The following NPEPPS variants were observed in gnomAD, a reference collection of about 807,000 sequenced individuals.
The protein encoded by NPEPPS is aminopeptidase puromycin sensitive, also known as puromycin-sensitive aminopeptidase.
A neutral mutation model predicts 115.5 loss-of-function variants in NPEPPS; 14 were observed. That is an observed-to-expected ratio of 0.12 (90% confidence interval 0.08 to 0.19). The LOEUF is 0.19. Among genes scored for constraint, NPEPPS ranks in the 10% least tolerant of loss-of-function variants. NPEPPS has a pLI of 1.00. For missense variants in NPEPPS, 523 were observed against 1,110.8 expected (o/e 0.47, Z 7.52); for synonymous variants, 285 against 390.6 (o/e 0.73, Z 3.19).
At chr17:47,531,066 G>A (rs1907705648), upstream of NPEPPS, 13 of 506,062 alleles carry the variant, frequency 2.6e-5, no homozygotes, top group South Asian at 3.7e-4. Flanking sequence ...CTCCACGGGG[G>A]CGCGCCCGGC....
Position 47,619,037 on chromosome 17 carries a change from C to T in NPEPPS, c.2432C>T (p.Ser811Leu), listed in dbSNP as rs748154171. Reference sequence around the variant, plus strand: ...GAGGTACGTCCACAGGACACTGTATCGGTAATTGGTGGAGTAGCTGGAGGC... The same window carrying T: ...GAGGTACGTCCACAGGACACTGTATTGGTAATTGGTGGAGTAGCTGGAGGC... The part of the protein sequence containing the change: ...SEEVRPQDTV[S>L]VIGGVAGGSK... Residue 811 changes from serine to leucine, a missense_variant, in exon 21 of 23, where the codon TCG (serine) becomes TTG (leucine). Ser to Leu is a moderately radical substitution (Grantham distance 145). Transcript: ENST00000322157. 23 of 1,613,736 alleles carry T rather than the reference C, an allele frequency of 1.4e-5. No homozygotes were observed. Among genetic ancestry groups the T allele is most frequent in the South Asian group, 5.5e-5 (5 of 91,072 alleles).
chr17:47,618,268 A>T, intron 19 of NPEPPS, 82 bp from the exon 20 acceptor site: 1 of 842,220 alleles, frequency 1.2e-6, no homozygotes, highest in Non-Finnish European at 2.0e-6. Flanking sequence ...GTTTTACCTT[A>T]CTGGGGAAGA....
Position 47,605,549 on chromosome 17 carries a change from G to GAAGGT in NPEPPS, c.2095_2095+4dup. On this transcript the variant is annotated frameshift_variant, in exon 17 of 23. Transcript: ENST00000322157. LOFTEE classifies it high-confidence loss of function. ...ACTGGGCTGGGACCCCAAACCTGGA[G>GAAGGT]AAGGTAATGGATATACTAAATGGAG... 1 of 1,565,044 alleles carries GAAGGT rather than the reference G, an allele frequency of 6.4e-7. No homozygotes were observed. The highest frequency in any genetic ancestry group is 8.7e-7 in the Non-Finnish European group (1 of 1,146,448).
At chr17:47,620,551 C>G (rs1444574656) in intron 22 of NPEPPS, among the ~76,000 whole-genome samples, 2 of 152,020 alleles carry the variant, frequency 1.3e-5, no homozygotes, top group African/African-American at 2.4e-5. Flanking sequence ...CAGGATAATC[C>G]CCAGGTTTCT....
intron 22 of NPEPPS, 93 bp from the exon 23 acceptor site, chr17:47,621,675 C>G: frequency 8.8e-6 from 11 of 1,243,354 alleles, no homozygotes; most frequent in Non-Finnish European, 1.2e-5. Flanking sequence ...ATTATGCATC[C>G]TTCATATAGA....
chr17:47,611,666 T>A (rs973487460), intron 17 of NPEPPS, among the ~76,000 whole-genome samples: 1 of 151,762 alleles, frequency 6.6e-6, no homozygotes, highest in African/African-American at 2.4e-5. Context: ...AGAAACAGGG[T>A]CTTGCTGTGT....
chr17:47,563,144 G>T (rs1009932156), intron 2 of NPEPPS, among the ~76,000 whole-genome samples: 1 of 151,522 alleles, frequency 6.6e-6, no homozygotes, highest in African/African-American at 2.4e-5. Flanking sequence ...CGATTCTCCT[G>T]CCTCAGCCTC....
chr17:47,590,657 T>A, intron 9 of NPEPPS, 60 bp from the exon 10 acceptor site: 3 of 1,543,348 alleles, frequency 1.9e-6, no homozygotes, highest in Non-Finnish European at 2.6e-6. Flanking sequence ...GTGAGTGTTT[T>A]AGATTAGTAG....
At chr17:47,532,673 A>AG (rs1264550142) in intron 1 of NPEPPS, among the ~76,000 whole-genome samples, 1 of 151,326 alleles carries the variant, frequency 6.6e-6, no homozygotes, top group African/African-American at 2.4e-5. Context: ...AAAAAAAAAA[A>AG]AAAAAAAAGG....
chr17:47,531,653 C>T (rs1907781079), intron 1 of NPEPPS, 98 bp downstream of exon 1: 2 of 1,394,536 alleles, frequency 1.4e-6, no homozygotes, highest in East Asian at 3.1e-5. Context: ...GCGGGCGGGC[C>T]TCGGGTCGGG....
upstream of NPEPPS, among the ~76,000 whole-genome samples, chr17:47,529,647 C>T (rs1343652932): frequency 1.5e-5 from 2 of 131,430 alleles, no homozygotes; most frequent in African/African-American, 5.5e-5. Context: ...TCGTGATCCA[C>T]CTGCCTCAGC....
chr17:47,595,793 T>G (rs988407213), intron 12 of NPEPPS, among the ~76,000 whole-genome samples: 1 of 151,608 alleles, frequency 6.6e-6, no homozygotes, highest in Non-Finnish European at 1.5e-5. Flanking sequence ...ACCAACCTGG[T>G]CAACATGGCG....
At chr17:47,592,114 T>G in intron 11 of NPEPPS, 54 bp downstream of exon 11, 3 of 1,064,960 alleles carry the variant, frequency 2.8e-6, no homozygotes, top group Non-Finnish European at 2.8e-6. Context: ...ATAAGAGTTT[T>G]GCATGAAAAA....
At chr17:47,533,476 A>G (rs1317832445) in intron 1 of NPEPPS, among the ~76,000 whole-genome samples, 3 of 152,004 alleles carry the variant, frequency 2.0e-5, no homozygotes, top group African/African-American at 7.3e-5. Flanking sequence ...CTAGTGATGA[A>G]TGAGTTCGCA....
chr17:47,572,530 A>C (rs1452636181), intron 3 of NPEPPS, among the ~76,000 whole-genome samples: 13 of 152,302 alleles, frequency 8.5e-5, no homozygotes, highest in African/African-American at 3.1e-4. Context: ...GAGAATTAAG[A>C]GAAAGCATTG....
At chr17:47,571,635 G>A (rs1244109240) in intron 3 of NPEPPS, among the ~76,000 whole-genome samples, 4 of 152,016 alleles carry the variant, frequency 2.6e-5, no homozygotes, top group African/African-American at 4.8e-5. Flanking sequence ...GGAAAATGGC[G>A]TGAACCCGGG....
chr17:47,562,418 G>A (rs1344587881), intron 2 of NPEPPS, among the ~76,000 whole-genome samples: 4 of 152,118 alleles, frequency 2.6e-5, no homozygotes, highest in Non-Finnish European at 4.4e-5. Context: ...TTGTTGGTGG[G>A]GAGAAATCCC....
intron 2 of NPEPPS, 123 bp downstream of exon 2, chr17:47,546,116 T>C: frequency 1.4e-6 from 2 of 1,476,796 alleles, no homozygotes; most frequent in Admixed American, 2.3e-5. Context: ...AAGACTTCAA[T>C]GTTTGTTACT....
chr17:47,605,210 C>G, intron 16 of NPEPPS, 123 bp from the exon 17 acceptor site: 1 of 628,488 alleles, frequency 1.6e-6, no homozygotes, highest in Non-Finnish European at 2.8e-6. Flanking sequence ...GTGTTCTGAG[C>G]TTATACAGTC....
Sources: gnomAD v4.1 joint callset for allele counts (sites outside exome capture counted in the v4.1 genomes callset) on GRCh38, gnomAD v4.1.1 for gene constraint, MANE v1.5 for transcripts, NCBI Gene and HGNC (gene_info 2026-07-23, HGNC 2026-07-21) for gene names.